PCDH11X: variants seen among roughly 807,000 people sequenced by gnomAD.
PCDH11X encodes the protein protocadherin 11 X-linked.
Under a neutral mutation model 53.3 loss-of-function variants are expected in PCDH11X, and 18 were observed. The ratio of observed to expected loss-of-function variants is 0.34; its 90% CI spans 0.23 to 0.50. The LOEUF is 0.50. Among genes scored for constraint, PCDH11X ranks in the 20% least tolerant of loss-of-function variants. The pLI, the probability that PCDH11X is intolerant of heterozygous loss-of-function variation, is 0.98. For synonymous variants in PCDH11X, 279 were observed against 393.3 expected, an observed-to-expected ratio of 0.71 and a Z score of 3.44; for missense variants, 570 against 1,032.4, an observed-to-expected ratio of 0.55 and a Z score of 6.14.
At chrX:92,000,057 G>A (rs1424429821) in intron 6 of PCDH11X, among the ~76,000 whole-genome samples, 3 of 111,794 alleles carry the variant, frequency 2.7e-5, no homozygotes, top group African/African-American at 9.8e-5. Context: ...CTGGCAGGCA[G>A]ACAGATTCTA....
chrX:92,249,579 A>G (rs1354657187), intron 7 of PCDH11X, among the ~76,000 whole-genome samples: 1 of 112,569 alleles, frequency 8.9e-6, no homozygotes, highest in Admixed American at 9.4e-5. Flanking sequence ...TGAATAAGCC[A>G]AAACAATTAT....
In PCDH11X at chrX:92,207,988, A is replaced by G. The variant is rs1020860540; in HGVS notation, c.3114+6533A>G. Among the ~76,000 whole-genome samples, 8 of 110,225 alleles carry G rather than the reference A, an allele frequency of 7.3e-5. No homozygotes were observed. In the East Asian group the frequency reaches 2.3e-3, roughly 32 times the overall value. ...GAGGCAGGTGGATCACGAGATCAGGAGTTCAAGACCAACCTGGCCAAGGTG... is the reference window on the plus strand; with the variant it reads ...GAGGCAGGTGGATCACGAGATCAGGGGTTCAAGACCAACCTGGCCAAGGTG... On this transcript the variant is annotated intron_variant, in intron 7 of 10. Coordinates refer to ENST00000682573, the MANE Select transcript of PCDH11X (RefSeq NM_032968.5).
rs1425694968 is a variant in PCDH11X, at chrX:92,046,516, A to T, written c.3034-154859A>T. ...ATTTCTTGGAACAAATTAACTAAAA[A>T]CTAAAAACATGTGTTGTTTGTTTTA... On this transcript the variant is annotated intron_variant, in intron 6 of 10. Transcript: ENST00000682573. 3.6e-5 allele frequency among the ~76,000 whole-genome samples: 4 copies of T among 111,416 alleles called. No individual in the cohort carries two copies. In the East Asian group the frequency reaches 1.1e-3, roughly 32 times the overall value.
At chrX:92,331,793 C>A (rs934835506) in intron 8 of PCDH11X, among the ~76,000 whole-genome samples, 2 of 110,979 alleles carry the variant, frequency 1.8e-5, no homozygotes, top group African/African-American at 6.5e-5. Flanking sequence ...CTCTACAAAG[C>A]CTTCTCTGAT....
chrX:92,085,906 T>A (rs943260611), intron 6 of PCDH11X, among the ~76,000 whole-genome samples: 2 of 111,755 alleles, frequency 1.8e-5, no homozygotes, highest in African/African-American at 6.5e-5. Context: ...CTAGTCTGAA[T>A]TAAGATATGC....
At chrX:92,382,273 C>A (rs1383020451) in intron 8 of PCDH11X, among the ~76,000 whole-genome samples, 1 of 111,522 alleles carries the variant, frequency 9.0e-6, no homozygotes, top group East Asian at 2.8e-4. Context: ...TCTTTCTAAT[C>A]AGAGTTACTG....
At chrX:91,922,248 T>C (rs1941770372) in intron 6 of PCDH11X, among the ~76,000 whole-genome samples, 1 of 111,862 alleles carries the variant, frequency 8.9e-6, no homozygotes, top group African/African-American at 3.2e-5. Context: ...CTCACTTAGG[T>C]AATATTTTAA....
In PCDH11X at chrX:92,550,720, T is replaced by C. The variant is rs187198265; in HGVS notation, c.3368-67544T>C. ...TTTTTGCACTCATTAACCATCCCCA[T>C]CTAAATCCCACCACACACTACCCTT... On this transcript the variant is annotated intron_variant, in intron 10 of 10. Transcript: ENST00000682573. Among the ~76,000 whole-genome samples the C allele has an allele frequency of 3.7e-3, 405 of 109,759 alleles. 1 individual carries two copies. Among genetic ancestry groups the C allele is most frequent in the African/African-American group, 0.013 (387 of 30,294 alleles).
intron 6 of PCDH11X, among the ~76,000 whole-genome samples, chrX:92,049,674 A>C (rs1420100181): frequency 1.8e-5 from 2 of 112,001 alleles, no homozygotes; most frequent in Non-Finnish European, 3.8e-5. Flanking sequence ...TTTTATACTA[A>C]GGTAATTCTC....
intron 10 of PCDH11X, among the ~76,000 whole-genome samples, chrX:92,524,581 A>G (rs1470358825): frequency 1.9e-5 from 2 of 105,977 alleles, no homozygotes; most frequent in Non-Finnish European, 3.9e-5. Context: ...TACCCATTAA[A>G]AAAAAGATTT....
intron 10 of PCDH11X, among the ~76,000 whole-genome samples, chrX:92,500,404 T>C (rs905918281): frequency 9.0e-6 from 1 of 110,862 alleles, no homozygotes; most frequent in African/African-American, 3.3e-5. Context: ...GGAGTAAATA[T>C]ATTTCCAGTT....
At chrX:92,591,311 C>T (rs1376115626) in intron 10 of PCDH11X, among the ~76,000 whole-genome samples, 2 of 111,525 alleles carry the variant, frequency 1.8e-5, no homozygotes, top group Non-Finnish European at 3.8e-5. Flanking sequence ...ACCAATCAGT[C>T]TTCTGGCTCC....
At chrX:92,055,430 G>C (rs1056818176) in intron 6 of PCDH11X, among the ~76,000 whole-genome samples, 1 of 80,067 alleles carries the variant, frequency 1.2e-5, no homozygotes, top group Non-Finnish European at 2.4e-5. Context: ...ATGAAAGAGA[G>C]ACTATGAATC....
At chrX:92,010,571 C>G (rs1226809822) in intron 6 of PCDH11X, among the ~76,000 whole-genome samples, 1 of 110,776 alleles carries the variant, frequency 9.0e-6, no homozygotes, top group African/African-American at 3.3e-5. Flanking sequence ...AATTCATAAT[C>G]CACACAGTTT....
intron 6 of PCDH11X, chrX:92,113,555 G>A: frequency 8.3e-7 from 1 of 1,198,641 alleles, no homozygotes; most frequent in Non-Finnish European, 1.1e-6. Flanking sequence ...ATATCTCCAT[G>A]CATGGCGGAG....
chrX:92,501,407 T>C (rs2148695783), intron 10 of PCDH11X, among the ~76,000 whole-genome samples: 1 of 110,950 alleles, frequency 9.0e-6, no homozygotes, highest in African/African-American at 3.3e-5. Flanking sequence ...TACCAAAACC[T>C]GGCAGAGATA....
At chrX:92,364,033 CT>C (rs1214544139) in intron 8 of PCDH11X, among the ~76,000 whole-genome samples, 1 of 111,091 alleles carries the variant, frequency 9.0e-6, no homozygotes, top group Non-Finnish European at 1.9e-5. Flanking sequence ...GGTGTGTAAC[CT>C]TTTTAATATA....
chrX:91,903,612 AATTCCACAGAGTCATTGTGACTCAGC>A (rs755276280), intron 6 of PCDH11X, among the ~76,000 whole-genome samples: 1 of 107,985 alleles, frequency 9.3e-6, no homozygotes, highest in Admixed American at 1.0e-4. Flanking sequence ...AACATGATTA[AATTCCACAGAGTCATTGTGACTCAGC>A]TCAGGTTCCT....
intron 8 of PCDH11X, among the ~76,000 whole-genome samples, chrX:92,310,193 G>A (rs35417364): frequency 9.0e-6 from 1 of 111,536 alleles, no homozygotes; most frequent in African/African-American, 3.3e-5. Flanking sequence ...TCCGGTATTC[G>A]CTCATGTTTT....
Sources: gnomAD v4.1 joint callset for allele counts (sites outside exome capture counted in the v4.1 genomes callset) on GRCh38, gnomAD v4.1.1 for gene constraint, MANE v1.5 for transcripts, NCBI Gene and HGNC (gene_info 2026-07-23, HGNC 2026-07-21) for gene names.